Variants in ADGB observed in about 807,000 individuals in gnomAD.
The protein encoded by ADGB is calpain-7-like protein.
ADGB carries 172 observed loss-of-function variants against 210.5 expected under a neutral mutation model. The ratio of observed to expected loss-of-function variants is 0.82; its 90% CI spans 0.72 to 0.93. ADGB has a LOEUF of 0.93. Among genes scored for constraint, ADGB ranks in the 40% least tolerant of loss-of-function variants. The probability of loss-of-function intolerance (pLI) is 0.00; values close to 1 mark genes in which losing one functional copy is unlikely to be tolerated. For missense variants in ADGB, 2,025 were observed against 1,964.8 expected (o/e 1.03, Z -0.58); for synonymous variants, 658 against 662.7 (o/e 0.99, Z 0.11).
Position 146,635,322 on chromosome 6 carries a change from G to A in ADGB, c.75-53G>A, listed in dbSNP as rs1016027550. ...ATGTTATGCAGTTAATCCAATATTT[G>A]ATCTCAGAGATTTTAATTAAACCTA... On this transcript the variant is annotated intron_variant, in intron 1 of 35. Coordinates refer to ENST00000397944, the MANE Select transcript of ADGB (RefSeq NM_024694.4). 6.8e-6 allele frequency: 9 copies of A among 1,326,256 alleles called. No homozygotes were observed. The African/African-American group carries it at 1.4e-4, about 20-fold the overall frequency. The allele number at this position is 1,326,256 out of a possible 1,614,324, so 82.2% of individuals were successfully genotyped here.
At chr6:146,806,596 G>A (rs1778215714) in intron 35 of ADGB, among the ~76,000 whole-genome samples, 1 of 152,158 alleles carries the variant, frequency 6.6e-6, no homozygotes, top group South Asian at 2.1e-4. Flanking sequence ...CAAAAAACAT[G>A]GAAAATGTCT....
chr6:146,810,876 A>T (rs1778293351), intron 35 of ADGB, among the ~76,000 whole-genome samples: 1 of 152,192 alleles, frequency 6.6e-6, no homozygotes, highest in African/African-American at 2.4e-5. Flanking sequence ...TTTCAGGTAC[A>T]GAATGGATGG....
At chr6:146,714,535 T>C (rs986889619) in intron 13 of ADGB, among the ~76,000 whole-genome samples, 1 of 152,204 alleles carries the variant, frequency 6.6e-6, no homozygotes, top group African/African-American at 2.4e-5. Context: ...ATTAAGAAAC[T>C]TCTCATTTAA....
chr6:146,768,585 A>T lies in ADGB; in HGVS notation c.3751-435A>T, dbSNP rs1396953763. ...CATCATACATAAAGGTGAATTCCAG[A>T]TATAGTGAACATTTAATTGTAAAAT... On this transcript the variant is annotated intron_variant, in intron 28 of 35. Coordinates refer to ENST00000397944, the MANE Select transcript of ADGB (RefSeq NM_024694.4). Among the ~76,000 whole-genome samples, 3 of 152,206 alleles carry T rather than the reference A, an allele frequency of 2.0e-5. No homozygotes were observed. The East Asian group carries it at 5.8e-4, about 29-fold the overall frequency.
intron 33 of ADGB, among the ~76,000 whole-genome samples, chr6:146,800,448 C>T (rs927621784): frequency 3.3e-5 from 5 of 152,090 alleles, no homozygotes. Flanking sequence ...TTGATGGTCA[C>T]ACAACTTGGT....
Position 146,795,931 on chromosome 6 carries a change from T to C in ADGB, c.4538-5252T>C, listed in dbSNP as rs139226347. On this transcript the variant is annotated intron_variant, in intron 33 of 35. Coordinates refer to ENST00000397944, the MANE Select transcript of ADGB (RefSeq NM_024694.4). The stretch of plus-strand genomic sequence containing the variant: ...AACTCGCTGTTTGCTGATGACATGA[T>C]TGTATACTGAGAAAACCCTAAAGAC... 4.7e-4 allele frequency among the ~76,000 whole-genome samples: 72 copies of C among 152,198 alleles called. No homozygotes were observed. In the Middle Eastern group the frequency reaches 0.017, roughly 36 times the overall value.
chr6:146,741,008 T>C (rs1777156855), intron 24 of ADGB, 110 bp from the exon 25 acceptor site: 3 of 771,648 alleles, frequency 3.9e-6, no homozygotes, highest in Admixed American at 3.8e-5. Flanking sequence ...GTGTGCCTTT[T>C]AGTTATTTGG....
chr6:146,815,016 T>C lies in ADGB; in HGVS notation c.4819-16T>C, dbSNP rs758926169. On this transcript the variant is annotated splice_polypyrimidine_tract_variant and intron_variant, in intron 35 of 35. Coordinates refer to ENST00000397944, the MANE Select transcript of ADGB (RefSeq NM_024694.4). ...ACCAGTGGAACTTATTTGTTTGGGG[T>C]TTTGCTTTGGAACAGGACTCCTTAG... 6.6e-7 allele frequency: 1 copy of C among 1,523,420 alleles called. No individual in the cohort carries two copies. Among genetic ancestry groups the C allele is most frequent in the South Asian group, 1.3e-5 (1 of 78,270 alleles). 94.4% of individuals were successfully genotyped at this position (1,523,420 alleles called of 1,614,324 possible). A position where few individuals can be genotyped will look rare whatever the true frequency, so the allele number is the denominator to read the frequency against.
rs1054105863 is a variant in ADGB at position 146,654,204 on chromosome 6, G to T, written c.400G>T (p.Glu134Ter). ...FSANEHLLCS[E>*]LMRWIISEIY... The stretch of plus-strand genomic sequence containing the variant: ...AGCAAATGAACATTTACTCTGCAGC[G>T]AGGTATGTACAGAAATATGAACTAA... Residue 134 changes from glutamate to a stop codon, truncating the protein, a stop_gained and splice_region_variant, in exon 4 of 36, where the codon GAG becomes TAG. Coordinates refer to ENST00000397944, the MANE Select transcript of ADGB (RefSeq NM_024694.4). LOFTEE classifies it high-confidence loss of function. The T allele has an allele frequency of 3.2e-6, 5 of 1,541,734 alleles. No homozygotes were observed. The highest frequency in any genetic ancestry group is 4.4e-6 in the Non-Finnish European group (5 of 1,140,038).
intron 35 of ADGB, among the ~76,000 whole-genome samples, chr6:146,811,002 T>G (rs192679915): frequency 1.8e-4 from 28 of 152,328 alleles, no homozygotes; most frequent in Admixed American, 3.9e-4. Context: ...TCCAAAAAAT[T>G]TTTTAAAGTT....
chr6:146,671,948 C>T (rs1274927508), intron 7 of ADGB, among the ~76,000 whole-genome samples: 2 of 152,246 alleles, frequency 1.3e-5, no homozygotes, highest in South Asian at 2.1e-4. Context: ...TGGCTGTTAA[C>T]GTGATTAGCT....
intron 1 of ADGB, among the ~76,000 whole-genome samples, chr6:146,619,590 C>T (rs986150754): frequency 6.6e-6 from 1 of 152,054 alleles, no homozygotes; most frequent in South Asian, 2.1e-4. Context: ...AAATATCTTA[C>T]AGTTATAACA....
In ADGB at chr6:146,763,951, G is replaced by A. The variant is rs1777537765; in HGVS notation, c.3601G>A (p.Val1201Met). Residue 1201 changes from valine to methionine, a missense_variant, in exon 28 of 36, where the codon GTG becomes ATG. Transcript: ENST00000397944. ...CTCTGCATCCAAGAAAGAGCAAGAA[G>A]TGTATGTTAAGAAGAAAGCTGCTCA... Reference protein sequence around the residue: ...FHSASKKEQEVYVKKKAAQGI... With the variant: ...FHSASKKEQEMYVKKKAAQGI... 1.3e-6 allele frequency: 2 copies of A among 1,551,488 alleles called. No homozygotes were observed. Among genetic ancestry groups the A allele is most frequent in the East Asian group, 2.4e-5 (1 of 40,906 alleles).
At chr6:146,753,383 A>T (rs1777355511) in intron 27 of ADGB, among the ~76,000 whole-genome samples, 1 of 152,060 alleles carries the variant, frequency 6.6e-6, no homozygotes, top group African/African-American at 2.4e-5. Context: ...AGCAAAACTG[A>T]GTTCTTACCT....
At chr6:146,675,841 T>C (rs1167620568) in intron 8 of ADGB, among the ~76,000 whole-genome samples, 2 of 152,134 alleles carry the variant, frequency 1.3e-5, no homozygotes, top group Non-Finnish European at 2.9e-5. Context: ...GGGACTTTGG[T>C]TGGAATCTGG....
chr6:146,786,133 ATATAT>A (rs1308052558), intron 32 of ADGB, among the ~76,000 whole-genome samples: 2 of 138,882 alleles, frequency 1.4e-5, no homozygotes, highest in Non-Finnish European at 3.0e-5. Flanking sequence ...TATTTTAAGT[ATATAT>A]TATATTATTT....
intron 33 of ADGB, among the ~76,000 whole-genome samples, chr6:146,789,985 T>A (rs909700446): frequency 2.0e-5 from 3 of 152,166 alleles, no homozygotes; most frequent in African/African-American, 7.2e-5. Context: ...GCCAAAACAA[T>A]GCAACTTAAA....
chr6:146,712,836 T>C (rs1776678851), intron 13 of ADGB, among the ~76,000 whole-genome samples: 1 of 152,204 alleles, frequency 6.6e-6, no homozygotes, highest in Non-Finnish European at 1.5e-5. Context: ...ATTTTCACTA[T>C]TGTATGACCA....
At chr6:146,758,368 G>T (rs1289440731) in intron 27 of ADGB, among the ~76,000 whole-genome samples, 1 of 151,946 alleles carries the variant, frequency 6.6e-6, no homozygotes, top group Non-Finnish European at 1.5e-5. Context: ...TGCTATTTAT[G>T]ACCTCATGCT....
Sources: gnomAD v4.1 joint callset for allele counts (sites outside exome capture counted in the v4.1 genomes callset) on GRCh38, gnomAD v4.1.1 for gene constraint, MANE v1.5 for transcripts, NCBI Gene and HGNC (gene_info 2026-07-23, HGNC 2026-07-21) for gene names.